NAALADL2: variants seen among roughly 807,000 people sequenced by gnomAD.
The protein encoded by NAALADL2 is inactive N-acetylated-alpha-linked acidic dipeptidase-like protein 2.
NAALADL2 carries 76 observed loss-of-function variants against 87.2 expected under a neutral mutation model. The ratio of observed to expected loss-of-function variants is 0.87; its 90% confidence interval spans 0.72 to 1.05. The LOEUF (loss-of-function observed/expected upper bound fraction) is 1.05. Among genes scored for constraint, NAALADL2 ranks in the 50% least tolerant of loss-of-function variants. NAALADL2 has a pLI of 0.00. For synonymous variants in NAALADL2, 354 were observed against 331.0 expected, an observed-to-expected ratio of 1.07 and a Z score of -0.75; for missense variants, 1,089 against 945.8, an observed-to-expected ratio of 1.15 and a Z score of -1.99.
intron 1 of NAALADL2, among the ~76,000 whole-genome samples, chr3:175,003,850 T>C (rs1560464196): frequency 1.3e-5 from 2 of 152,206 alleles, no homozygotes; most frequent in Admixed American, 6.5e-5. Context: ...GCTGAAGGAC[T>C]AGAGCAGTGT....
intron 13 of NAALADL2, among the ~76,000 whole-genome samples, chr3:175,787,955 TAATG>T (rs1752290508): frequency 6.6e-6 from 1 of 152,168 alleles, no homozygotes; most frequent in Non-Finnish European, 1.5e-5. Context: ...TGTACAGTGT[TAATG>T]AAGTCTATAA....
Position 175,467,024 on chromosome 3 carries a change from A to C in NAALADL2, c.1373A>C (p.Tyr458Ser). 1 of 1,613,886 alleles carries C rather than the reference A, an allele frequency of 6.2e-7. No homozygotes were observed. Among genetic ancestry groups the C allele is most frequent in the Non-Finnish European group, 8.5e-7 (1 of 1,179,794 alleles). The change falls in exon 8 of 14, where the codon TAT (tyrosine) becomes TCT (serine). Residue 458 changes from tyrosine (Y) to serine (S), a missense_variant. Tyr to Ser is a moderately radical substitution (Grantham distance 144, BLOSUM62 -2). Coordinates refer to ENST00000454872, the MANE Select transcript of NAALADL2 (RefSeq NM_207015.3). ...AGCCATCATCACACTGCACACAGTT[A>C]TAATGGACAAGAATGGGCCAGTAGT... ...VGSHHHTAHS[Y>S]NGQEWASSTA...
chr3:175,380,205 T>G (rs1767629279), intron 5 of NAALADL2, among the ~76,000 whole-genome samples: 2 of 152,060 alleles, frequency 1.3e-5, no homozygotes, highest in African/African-American at 4.8e-5. Context: ...ATAATAATAA[T>G]AATTAAAAAA....
rs996247531 is a variant in NAALADL2, at chr3:174,997,095, T to G, written c.44-99695T>G. Among the ~76,000 whole-genome samples the G allele has an allele frequency of 2.0e-5, 3 of 150,654 alleles. No homozygotes were observed. The Admixed American group carries it at 2.0e-4, about 10-fold the overall frequency. On this transcript the variant is annotated intron_variant, in intron 1 of 13. Transcript: ENST00000454872. ...AATCCACTCGTTGGTCCATGAGCACTTAGATTGGTTTCATAGCTTTGCAAT... is the reference window on the plus strand; with the variant it reads ...AATCCACTCGTTGGTCCATGAGCACGTAGATTGGTTTCATAGCTTTGCAAT...
At chr3:174,855,462 C>T (rs1014791324), upstream of NAALADL2, among the ~76,000 whole-genome samples, 6 of 152,054 alleles carry the variant, frequency 3.9e-5, no homozygotes, top group African/African-American at 1.4e-4. Flanking sequence ...TAATTACCAT[C>T]ATTTCTTATA....
chr3:174,653,047 G>A (rs972120847), intron 2 of NAALADL2, among the ~76,000 whole-genome samples: 1 of 152,106 alleles, frequency 6.6e-6, no homozygotes, highest in Non-Finnish European at 1.5e-5. Context: ...ACATAAAAAA[G>A]ACTGACATGT....
intron 11 of NAALADL2, chr3:175,718,476 A>G: frequency 1.3e-6 from 2 of 1,584,178 alleles, no homozygotes. Flanking sequence ...TTAAGGCTGT[A>G]TATTCGGTTT....
At chr3:174,600,265 T>C (rs1718308253) in intron 2 of NAALADL2, among the ~76,000 whole-genome samples, 1 of 152,100 alleles carries the variant, frequency 6.6e-6, no homozygotes, top group Non-Finnish European at 1.5e-5. Flanking sequence ...TTTCAACCTT[T>C]AGCACGGGGA....
At chr3:175,396,868 T>A (rs1015731218) in intron 5 of NAALADL2, among the ~76,000 whole-genome samples, 5 of 152,076 alleles carry the variant, frequency 3.3e-5, no homozygotes, top group African/African-American at 1.2e-4. Flanking sequence ...TTGCTTCCCC[T>A]TCTGCCATTA....
intron 1 of NAALADL2, among the ~76,000 whole-genome samples, chr3:174,994,562 T>C (rs1210586365): frequency 1.3e-5 from 2 of 152,220 alleles, no homozygotes; most frequent in Non-Finnish European, 2.9e-5. Context: ...ATTAGCATTG[T>C]ATGTCTTGTT....
At chr3:174,850,643 A>G (rs1560285858) in intron 3 of NAALADL2, among the ~76,000 whole-genome samples, 3 of 152,174 alleles carry the variant, frequency 2.0e-5, no homozygotes, top group Admixed American at 1.3e-4. Flanking sequence ...GGAACTAAAG[A>G]TAGAGACCCC....
chr3:175,677,341 AAC>A lies in NAALADL2; in HGVS notation c.1896+49957_1896+49958del, dbSNP rs563080373. 2.7e-3 allele frequency among the ~76,000 whole-genome samples: 418 copies of A among 152,080 alleles called. 2 individuals carry two copies. Among genetic ancestry groups the A allele is most frequent in the African/African-American group, 9.3e-3 (384 of 41,424 alleles). On this transcript the variant is annotated intron_variant, in intron 11 of 13. Coordinates refer to ENST00000454872, the MANE Select transcript of NAALADL2 (RefSeq NM_207015.3). ...TCGTGCCCTTGCACTCCAGCCTGGC[AAC>A]AGAGTGAGACTCTGTCAAAAAAAAA...
In NAALADL2 at chr3:175,426,240, C is replaced by G. The variant is rs375556626; in HGVS notation, c.1091-20989C>G. The stretch of plus-strand genomic sequence containing the variant: ...TCGCTGGACGTGGTGGCAGGTGCCT[C>G]TAATCCCAGCTACTTGGGAGGCCGA... On this transcript the variant is annotated intron_variant, in intron 5 of 13. Transcript: ENST00000454872. 2.0e-4 allele frequency among the ~76,000 whole-genome samples: 31 copies of G among 152,110 alleles called. No homozygotes were observed. The East Asian group carries it at 5.8e-3, about 28-fold the overall frequency.
At chr3:175,322,051 C>G (rs1037510404) in intron 4 of NAALADL2, among the ~76,000 whole-genome samples, 2 of 151,720 alleles carry the variant, frequency 1.3e-5, no homozygotes, top group African/African-American at 4.9e-5. Flanking sequence ...GCCAAAAGAA[C>G]AAAGCTGGAG....
chr3:175,137,587 A>C (rs1729303749), intron 2 of NAALADL2, among the ~76,000 whole-genome samples: 1 of 147,744 alleles, frequency 6.8e-6, no homozygotes, highest in Non-Finnish European at 1.5e-5. Context: ...AAATGGAATT[A>C]ATATGACAAG....
chr3:174,889,429 A>G (rs1388839397), intron 1 of NAALADL2, among the ~76,000 whole-genome samples: 3 of 152,118 alleles, frequency 2.0e-5, no homozygotes, highest in Non-Finnish European at 4.4e-5. Context: ...TAGCCATGTG[A>G]TTCTACCACC....
chr3:174,882,654 CATATGTGCATATACACATATGTGT>C (rs1729460943), intron 1 of NAALADL2, among the ~76,000 whole-genome samples: 3 of 131,818 alleles, frequency 2.3e-5, no homozygotes, highest in Non-Finnish European at 4.6e-5. Flanking sequence ...TGCATATACA[CATATGTGCATATACACATATGTGT>C]ATATGTGTAT....
chr3:174,563,668 T>A (rs952014632), intron 2 of NAALADL2, among the ~76,000 whole-genome samples: 1 of 152,132 alleles, frequency 6.6e-6, no homozygotes, highest in Non-Finnish European at 1.5e-5. Flanking sequence ...TATTTTCTGA[T>A]CCCTAAGTTA....
chr3:175,665,354 C>T (rs1042921657), intron 11 of NAALADL2, among the ~76,000 whole-genome samples: 4 of 152,108 alleles, frequency 2.6e-5, no homozygotes, highest in Admixed American at 2.0e-4. Flanking sequence ...ACCAACTTTT[C>T]GGGATTTCAA....
Sources: gnomAD v4.1 joint callset for allele counts (sites outside exome capture counted in the v4.1 genomes callset) on GRCh38, gnomAD v4.1.1 for gene constraint, MANE v1.5 for transcripts, NCBI Gene and HGNC (gene_info 2026-07-23, HGNC 2026-07-21) for gene names.